UBN1: variants seen among roughly 807,000 people sequenced by gnomAD.
The protein encoded by UBN1 is ubinuclein 1.
In UBN1, 17 loss-of-function variants were observed where a neutral mutation model predicts 108.5. The observed-to-expected ratio is 0.16, with a 90% CI of 0.11 to 0.24. UBN1 has a LOEUF of 0.24. Among genes scored for constraint, UBN1 ranks in the 10% least tolerant of loss-of-function variants. UBN1 has a pLI of 1.00. For synonymous variants in UBN1, 726 were observed against 564.2 expected, an observed-to-expected ratio of 1.29 and a Z score of -4.07; for missense variants, 1,595 against 1,394.4, an observed-to-expected ratio of 1.14 and a Z score of -2.29.
intron 12 of UBN1, among the ~76,000 whole-genome samples, chr16:4,872,029 C>G (rs2087667162): frequency 1.3e-5 from 2 of 152,226 alleles, no homozygotes; most frequent in African/African-American, 4.8e-5. Flanking sequence ...GCTTCCATCT[C>G]AGAGGCTACC....
intron 17 of UBN1, among the ~76,000 whole-genome samples, chr16:4,878,709 C>T (rs2087989352): frequency 6.6e-6 from 1 of 152,180 alleles, no homozygotes; most frequent in Non-Finnish European, 1.5e-5. Context: ...ATGTTACTCT[C>T]AGAAAAGCAA....
At chr16:4,876,131 T>C (rs910659959) in intron 15 of UBN1, among the ~76,000 whole-genome samples, 1 of 152,120 alleles carries the variant, frequency 6.6e-6, no homozygotes, top group Non-Finnish European at 1.5e-5. Flanking sequence ...GCTAATTTTT[T>C]GTGTTTTTAG....
intron 17 of UBN1, among the ~76,000 whole-genome samples, chr16:4,879,159 C>T (rs1001578306): frequency 6.6e-6 from 1 of 152,108 alleles, no homozygotes; most frequent in Non-Finnish European, 1.5e-5. Flanking sequence ...GGATATTGAA[C>T]GTCGCCAGCA....
In UBN1 at chr16:4,880,374, T is replaced by A. The variant is rs893979011; in HGVS notation, c.*242T>A. On this transcript the variant is annotated 3_prime_UTR_variant, in exon 18 of 18. Coordinates refer to ENST00000262376, the MANE Select transcript of UBN1 (RefSeq NM_001079514.3). ...CCTTGCAGCTCTGTCGCTAGACGGT[T>A]GTTAGAGGGGCAGCTCTAGGCTGGG... 1.9e-6 allele frequency: 1 copy of A among 514,692 alleles called. No homozygotes were observed. 31.9% of individuals were successfully genotyped at this position (514,692 alleles called of 1,614,324 possible). A position where few individuals can be genotyped will look rare whatever the true frequency, so the allele number is the denominator to read the frequency against.
rs1383201916 is a variant in UBN1, at chr16:4,859,091, C to T, written c.499C>T (p.Leu167=). Residue 167 remains leucine (L), a synonymous_variant, in exon 5 of 18, where the codon CTG becomes TTG. Transcript: ENST00000262376. ...AGGATTTTACATTAACTCGGGAACC[C>T]TGCAGTTTAGACAAGCATCAGAGTC... ...YGGFYINSGT[L]QFRQASESED... 1 of 1,614,164 alleles carries T rather than the reference C, an allele frequency of 6.2e-7. No homozygotes were observed. The highest frequency in any genetic ancestry group is 1.1e-5 in the South Asian group (1 of 91,080).
intron 1 of UBN1, among the ~76,000 whole-genome samples, chr16:4,850,618 G>C (rs917411779): frequency 6.6e-6 from 1 of 152,174 alleles, no homozygotes; most frequent in African/African-American, 2.4e-5. Context: ...GTCTTTTGCA[G>C]CGCCAGCCTG....
chr16:4,851,842 A>C (rs1474841907), intron 1 of UBN1, among the ~76,000 whole-genome samples: 1 of 152,164 alleles, frequency 6.6e-6, no homozygotes, highest in Non-Finnish European at 1.5e-5. Context: ...GAAAAAAGTT[A>C]ACATTTCTTT....
Position 4,870,945 on chromosome 16 carries a change from A to G in UBN1, c.1532A>G (p.Lys511Arg), listed in dbSNP as rs754426350. Residue 511 changes from lysine to arginine, a missense_variant, in exon 11 of 18, where the codon AAG becomes AGG. Physicochemically the swap from Lys to Arg is conservative, Grantham distance 26. Around this residue, in one of 3 missense-constraint regions of UBN1, gnomAD observed 1,398 missense variants for 1,194.7 expected, o/e 1.17. Coordinates refer to ENST00000262376, the MANE Select transcript of UBN1 (RefSeq NM_001079514.3). ...KGGRRIMGPR[K>R]KFQWNDEIRE... ...GGCAGGAGGATAATGGGACCTCGGAAGAAGTTCCAATGGAATGATGAGATC... is the reference window on the plus strand; with the variant it reads ...GGCAGGAGGATAATGGGACCTCGGAGGAAGTTCCAATGGAATGATGAGATC... 1.2e-6 allele frequency: 2 copies of G among 1,614,178 alleles called. No individual in the cohort carries two copies. Among genetic ancestry groups the G allele is most frequent in the Admixed American group, 3.3e-5 (2 of 60,030 alleles).
Position 4,874,649 on chromosome 16 carries a change from G to A in UBN1, c.2239G>A (p.Gly747Arg), listed in dbSNP as rs1184824674. Residue 747 changes from glycine (G) to arginine (R), a missense_variant, in exon 15 of 18, where the codon GGG becomes AGG. By Grantham distance (125) the Gly-to-Arg change is moderately radical (BLOSUM62 -2). Coordinates refer to ENST00000262376, the MANE Select transcript of UBN1 (RefSeq NM_001079514.3). ...TCTGGCAGAACAGGCTCTGGCACTG[G>A]GGCAGTCCTCTCAGGAGAAAAAACC... is the stretch of plus-strand genomic sequence containing the variant. ...NFLAEQALAL[G>R]QSSQEKKPES... is the part of the protein sequence containing the mutation. 1 of 1,614,162 alleles carries A rather than the reference G, an allele frequency of 6.2e-7. No homozygotes were observed. The highest frequency in any genetic ancestry group is 8.5e-7 in the Non-Finnish European group (1 of 1,180,020).
intron 7 of UBN1, among the ~76,000 whole-genome samples, chr16:4,864,593 G>T (rs991127304): frequency 1.1e-4 from 17 of 152,136 alleles, no homozygotes; most frequent in Admixed American, 4.6e-4. Flanking sequence ...CTTTTGTCTT[G>T]GTTGTTGGCA....
intron 2 of UBN1, among the ~76,000 whole-genome samples, chr16:4,854,646 G>A (rs375792693): frequency 2.6e-5 from 4 of 151,494 alleles, no homozygotes; most frequent in East Asian, 1.9e-4. Flanking sequence ...GATTATAGGC[G>A]TGAGTCACCG....
rs2087964267 is a variant in UBN1 at position 4,877,969 on chromosome 16, G to T, written c.3355+495G>T. 6.6e-6 allele frequency among the ~76,000 whole-genome samples: 1 copy of T among 152,178 alleles called. No individual in the cohort carries two copies. Among genetic ancestry groups the T allele is most frequent in the Admixed American group, 6.5e-5 (1 of 15,280 alleles). On this transcript the variant is annotated intron_variant, in intron 17 of 17. Transcript: ENST00000262376. The surrounding 1 kb of genome is among the most constrained non-coding windows in gnomAD (Gnocchi z 4.3). Reference sequence around the variant, plus strand: ...ATCCAGGTAGCAGCCAGAGGCCACAGTGCAAGACTTTGAGAGGAGCAGCTT... The same window carrying T: ...ATCCAGGTAGCAGCCAGAGGCCACATTGCAAGACTTTGAGAGGAGCAGCTT...
intron 7 of UBN1, among the ~76,000 whole-genome samples, chr16:4,868,236 G>T (rs527731036): frequency 6.6e-6 from 1 of 152,244 alleles, no homozygotes. Flanking sequence ...TGTTCTTTTC[G>T]AAAGCAAACT....
chr16:4,877,354 T>C lies in UBN1; in HGVS notation c.3266-31T>C. The C allele has an allele frequency of 6.3e-7, 1 of 1,597,168 alleles. No homozygotes were observed. ...GTTCCTGTCTTCAATGTGTGTGTTT[T>C]GTTCTTTTCTCCCCTCCTGTTTTCT... On this transcript the variant is annotated intron_variant, in intron 16 of 17. Transcript: ENST00000262376. The surrounding 1 kb of genome is among the most constrained non-coding windows in gnomAD (Gnocchi z 4.3).
At chr16:4,849,559 C>A (rs925848353) in intron 1 of UBN1, among the ~76,000 whole-genome samples, 1 of 151,880 alleles carries the variant, frequency 6.6e-6, no homozygotes, top group Non-Finnish European at 1.5e-5. Context: ...CTCAGTAACA[C>A]CAACTGAGGT....
At chr16:4,858,456 C>A in intron 3 of UBN1, 112 bp from the exon 4 acceptor site, 1 of 892,386 alleles carries the variant, frequency 1.1e-6, no homozygotes, top group Non-Finnish European at 1.8e-6. Flanking sequence ...GAGAGAGTGA[C>A]TGTTTTAGTT....
At chr16:4,875,854 T>G (rs556909347) in intron 15 of UBN1, among the ~76,000 whole-genome samples, 4 of 152,000 alleles carry the variant, frequency 2.6e-5, no homozygotes, top group Non-Finnish European at 5.9e-5. Flanking sequence ...CTTCTAAGAG[T>G]GATTCTGTTG....
chr16:4,872,855 A>AC (rs754038104), intron 12 of UBN1, 29 bp from the exon 13 acceptor site: 2 of 1,614,098 alleles, frequency 1.2e-6, no homozygotes, highest in Non-Finnish European at 1.7e-6. Context: ...TGGGGCATGT[A>AC]CAGATGCCTG....
At chr16:4,857,942 C>A in intron 2 of UBN1, 48 bp from the exon 3 acceptor site, 2 of 1,384,630 alleles carry the variant, frequency 1.4e-6, no homozygotes, top group Admixed American at 1.9e-5. Context: ...TGAATAAGAA[C>A]ATGGGAATAT....
Sources: allele counts gnomAD v4.1 joint callset (sites outside exome capture counted in the v4.1 genomes callset), GRCh38; gene constraint gnomAD v4.1.1; regional missense constraint gnomAD v4.1.1; non-coding constraint Gnocchi (gnomAD v3.1); transcripts MANE v1.5; gene names NCBI Gene and HGNC (gene_info 2026-07-23, HGNC 2026-07-21).